Variants in KLF8 observed in about 807,000 individuals in gnomAD.
The protein encoded by KLF8 is KLF transcription factor 8, also known as Krueppel-like factor 8.
In KLF8, 10 loss-of-function variants were observed where a neutral mutation model predicts 18.2. That is an observed-to-expected ratio of 0.55 (90% CI 0.34 to 0.93). The LOEUF is 0.93. Ranked by LOEUF, KLF8 falls within the 40% of genes least tolerant of loss-of-function variation. The pLI, the probability that KLF8 is intolerant of heterozygous loss-of-function variation, is 0.02. For synonymous variants in KLF8, 109 were observed against 97.3 expected (o/e 1.12, Z -0.71); for missense variants, 264 against 277.9 (o/e 0.95, Z 0.36).
At chrX:56,148,565 C>T in the KLF8 span, among the ~76,000 whole-genome samples, 1 of 111,836 alleles carries the variant, frequency 8.9e-6, no homozygotes, top group Non-Finnish European at 1.9e-5. Context: ...AGTCTGTTCT[C>T]ACGCTGCTAA....
the KLF8 span, among the ~76,000 whole-genome samples, chrX:55,968,996 C>A: frequency 9.0e-6 from 1 of 111,648 alleles, no homozygotes; most frequent in Non-Finnish European, 1.9e-5. Flanking sequence ...GATGCCAATA[C>A]AATAATAACT....
At chrX:55,919,284 C>T in the KLF8 span, among the ~76,000 whole-genome samples, 1 of 111,963 alleles carries the variant, frequency 8.9e-6, no homozygotes, top group Non-Finnish European at 1.9e-5. Flanking sequence ...CCTGGTCAGA[C>T]TGATAGAGCA....
chrX:56,050,302 T>C, the KLF8 span, among the ~76,000 whole-genome samples: 1 of 111,919 alleles, frequency 8.9e-6, no homozygotes, highest in Non-Finnish European at 1.9e-5. Context: ...TTTCTTGCCT[T>C]CTGCTAGCTT....
the KLF8 span, among the ~76,000 whole-genome samples, chrX:55,926,567 A>G: frequency 9.0e-6 from 1 of 111,002 alleles, no homozygotes; most frequent in Non-Finnish European, 1.9e-5. Flanking sequence ...ATTTGTTGGG[A>G]ATATGATAAT....
At chrX:56,021,961 CAAAA>C in the KLF8 span, among the ~76,000 whole-genome samples, 11 of 76,945 alleles carry the variant, frequency 1.4e-4, no homozygotes, top group African/African-American at 5.0e-4. Context: ...GAGAATAGAG[CAAAA>C]AAAAAAAAAA....
At chrX:56,187,801 T>G in the KLF8 span, among the ~76,000 whole-genome samples, 1 of 109,953 alleles carries the variant, frequency 9.1e-6, no homozygotes, top group African/African-American at 3.4e-5. Flanking sequence ...GATGCAGAAA[T>G]GGCCTTTGAC....
At chrX:56,185,848 C>T in the KLF8 span, among the ~76,000 whole-genome samples, 1 of 111,594 alleles carries the variant, frequency 9.0e-6, no homozygotes, top group Non-Finnish European at 1.9e-5. Context: ...ACCACCAGGC[C>T]TGCCCTAAAA....
chrX:56,084,980 A>G, the KLF8 span, among the ~76,000 whole-genome samples: 2 of 111,935 alleles, frequency 1.8e-5, no homozygotes, highest in East Asian at 5.6e-4. Flanking sequence ...AGACAGCTGA[A>G]AGTAAGCAAA....
chrX:56,023,995 G>T, the KLF8 span, among the ~76,000 whole-genome samples: 1 of 111,288 alleles, frequency 9.0e-6, no homozygotes, highest in Non-Finnish European at 1.9e-5. Context: ...CATACAAGTA[G>T]AATTATTTAG....
the KLF8 span, among the ~76,000 whole-genome samples, chrX:56,074,995 T>C: frequency 2.7e-5 from 3 of 110,907 alleles, no homozygotes; most frequent in Non-Finnish European, 5.7e-5. Context: ...TGTATATATA[T>C]ATGGAGTACA....
At chrX:56,122,962 T>C in the KLF8 span, among the ~76,000 whole-genome samples, 1 of 110,477 alleles carries the variant, frequency 9.1e-6, no homozygotes, top group Non-Finnish European at 1.9e-5. Flanking sequence ...CTTTGTTGAC[T>C]CTCATACTCT....
intron 2 of KLF8, among the ~76,000 whole-genome samples, chrX:56,259,376 C>T (rs1212890172): frequency 1.8e-5 from 2 of 110,811 alleles, no homozygotes; most frequent in Non-Finnish European, 3.8e-5. Context: ...TGGCTCATAC[C>T]TTTCTTTTTT....
chrX:56,175,701 A>G, the KLF8 span, among the ~76,000 whole-genome samples: 2 of 111,158 alleles, frequency 1.8e-5, no homozygotes, highest in Admixed American at 1.9e-4. Flanking sequence ...AGTGGGGTGT[A>G]AAAGTCTCCC....
intron 2 of KLF8, among the ~76,000 whole-genome samples, chrX:56,258,163 A>G (rs949694943): frequency 2.7e-5 from 3 of 112,772 alleles, no homozygotes; most frequent in Non-Finnish European, 5.6e-5. Context: ...GCTTACTCAT[A>G]GTTAATACCA....
the KLF8 span, among the ~76,000 whole-genome samples, chrX:56,053,239 C>T: frequency 8.0e-5 from 9 of 112,362 alleles, no homozygotes; most frequent in Admixed American, 2.8e-4. Flanking sequence ...GCGTCGCTCA[C>T]GCTGGGAGCT....
chrX:55,991,114 C>A, the KLF8 span, among the ~76,000 whole-genome samples: 1 of 112,296 alleles, frequency 8.9e-6, no homozygotes, highest in African/African-American at 3.2e-5. Context: ...TCTACAGAGG[C>A]AGGCAGGCAG....
the KLF8 span, among the ~76,000 whole-genome samples, chrX:55,968,521 C>A: frequency 2.7e-5 from 3 of 111,479 alleles, no homozygotes; most frequent in African/African-American, 9.8e-5. Context: ...TGTCTGTGTC[C>A]CCACTCAAAT....
chrX:56,290,882 G>T lies in KLF8; in HGVS notation c.*6388G>T, dbSNP rs944047169. ...ATTTCCTTTTCTGGTGTTGGGGTGG[G>T]GTCAGGGGAAGAGATACTATTTTGT... On this transcript the variant is annotated 3_prime_UTR_variant, in exon 6 of 6. Transcript: ENST00000468660. 9.0e-6 allele frequency among the ~76,000 whole-genome samples: 1 copy of T among 111,250 alleles called. No homozygotes were observed. Among genetic ancestry groups the T allele is most frequent in the Non-Finnish European group, 1.9e-5 (1 of 52,985 alleles).
upstream of KLF8, among the ~76,000 whole-genome samples, chrX:56,227,874 A>AACACAC (rs72391707): frequency 1.9e-3 from 159 of 85,529 alleles, 2 homozygotes; most frequent in African/African-American, 5.7e-3. Context: ...CCCTAGCCCC[A>AACACAC]ACACACACAC....
Sources: allele counts gnomAD v4.1 joint callset (sites outside exome capture counted in the v4.1 genomes callset), GRCh38; gene constraint gnomAD v4.1.1; transcripts MANE v1.5; gene names NCBI Gene and HGNC (gene_info 2026-07-23, HGNC 2026-07-21).